Variants in POU6F2 observed in about 807,000 individuals in gnomAD.
The protein encoded by POU6F2 is POU domain, class 6, transcription factor 2.
Under a neutral mutation model 71.3 loss-of-function variants are expected in POU6F2, and 31 were observed. The ratio of observed to expected loss-of-function variants is 0.43; its 90% confidence interval spans 0.33 to 0.59. The LOEUF (loss-of-function observed/expected upper bound fraction) is 0.59, where lower values mean the gene tolerates loss of function less well. POU6F2 is among the 20% of genes least tolerant of loss of function. The probability of loss-of-function intolerance (pLI) is 0.04; values close to 1 mark genes in which losing one functional copy is unlikely to be tolerated. For synonymous variants in POU6F2, 347 were observed against 355.7 expected (o/e 0.98, Z 0.27); for missense variants, 783 against 856.8 (o/e 0.91, Z 1.07).
At chr7:39,385,772 G>A (rs1028208875) in intron 5 of POU6F2, among the ~76,000 whole-genome samples, 2 of 152,128 alleles carry the variant, frequency 1.3e-5, no homozygotes, top group African/African-American at 4.8e-5. Flanking sequence ...GCCCCTCTCA[G>A]AGGGTCTCAG....
At chr7:39,257,259 T>C (rs2128753740) in intron 4 of POU6F2, among the ~76,000 whole-genome samples, 1 of 152,316 alleles carries the variant, frequency 6.6e-6, no homozygotes, top group South Asian at 2.1e-4. Flanking sequence ...TTCCTAATAC[T>C]TTGGGGAAAT....
Position 39,445,915 on chromosome 7 carries a change from CT to C in POU6F2, c.1321-5617del, listed in dbSNP as rs527725357. ...AGCTCCTTCCAAAATCTGTGTGGTC[CT>C]CCAACCCACAGTAGCAGCATCACCT... is the stretch of plus-strand genomic sequence containing the variant. On this transcript the variant is annotated intron_variant, in intron 7 of 9. Transcript: ENST00000518318. 3.9e-5 allele frequency among the ~76,000 whole-genome samples: 6 copies of C among 152,232 alleles called. No individual in the cohort carries two copies. The South Asian group carries it at 1.0e-3, about 26-fold the overall frequency.
intron 2 of POU6F2, among the ~76,000 whole-genome samples, chr7:39,115,432 T>A (rs6952466): frequency 0.24 from 37,114 of 152,022 alleles, 5,233 homozygotes; most frequent in East Asian, 0.55. Context: ...CCAAACAAGG[T>A]TGACTTCTCT....
chr7:39,057,020 A>T (rs901770338), intron 1 of POU6F2, among the ~76,000 whole-genome samples: 4 of 152,112 alleles, frequency 2.6e-5, no homozygotes, highest in African/African-American at 7.2e-5. Context: ...AAAAATAATG[A>T]TTGTTGGTTT....
chr7:39,459,569 C>G (rs1788895591), intron 8 of POU6F2, among the ~76,000 whole-genome samples: 1 of 152,074 alleles, frequency 6.6e-6, no homozygotes, highest in African/African-American at 2.4e-5. Flanking sequence ...TGGACAAGTA[C>G]TCAAATTTAC....
At chr7:39,150,225 C>CTGTG (rs60761447) in intron 2 of POU6F2, among the ~76,000 whole-genome samples, 42,344 of 140,958 alleles carry the variant, frequency 0.3, 6,437 homozygotes, top group South Asian at 0.44. Context: ...AGTAATATGT[C>CTGTG]TGTGTGTGTG....
Position 39,465,484 on chromosome 7 carries a change from C to G in POU6F2, c.*798C>G, listed in dbSNP as rs928676406. ...ACGGGAGGGCATCCTGGATCGTGTGCCAAAGCATTTGTTGCTTTTTTCTCA... is the reference window on the plus strand; with the variant it reads ...ACGGGAGGGCATCCTGGATCGTGTGGCAAAGCATTTGTTGCTTTTTTCTCA... On this transcript the variant is annotated 3_prime_UTR_variant, in exon 10 of 10. Transcript: ENST00000518318. 1.3e-5 allele frequency: 2 copies of G among 152,104 alleles called. No individual in the cohort carries two copies. Among genetic ancestry groups the G allele is most frequent in the Admixed American group, 6.5e-5 (1 of 15,278 alleles). The allele number at this position is 152,104 out of a possible 1,614,324, so 9.4% of individuals were successfully genotyped here.
At position 39,110,227 on chromosome 7, in the gene POU6F2, C is replaced by T. The variant is rs191165421; in HGVS notation, c.277+24196C>T. Among the ~76,000 whole-genome samples, 290 of 138,116 alleles carry T rather than the reference C, an allele frequency of 2.1e-3. 1 individual carries two copies. The highest frequency in any genetic ancestry group is 7.8e-3 in the African/African-American group (282 of 36,240). The allele number at this position is 138,116 out of a possible 152,430, so 90.6% of individuals were successfully genotyped here. A position where few individuals can be genotyped will look rare whatever the true frequency, so the allele number is the denominator to read the frequency against. ...TGGAGGTTGCAGTGAGCTGAGATCG[C>T]ATCACTGCACTCCAGGCTGGGACAG... On this transcript the variant is annotated intron_variant, in intron 2 of 9. Coordinates refer to ENST00000518318, the MANE Select transcript of POU6F2 (RefSeq NM_001370959.1).
intron 1 of POU6F2, among the ~76,000 whole-genome samples, 165 bp downstream of exon 1, chr7:38,978,223 A>G (rs532962004): frequency 1.3e-5 from 2 of 152,364 alleles, no homozygotes; most frequent in East Asian, 3.9e-4. Flanking sequence ...AAATCTGACC[A>G]GGGAAACCTC....
chr7:39,454,076 A>C (rs2116130242), intron 8 of POU6F2, among the ~76,000 whole-genome samples: 1 of 152,270 alleles, frequency 6.6e-6, no homozygotes, highest in African/African-American at 2.4e-5. Flanking sequence ...CTGGTTCCAT[A>C]ATTTGCTATG....
chr7:39,413,360 A>C (rs947343413), intron 6 of POU6F2, among the ~76,000 whole-genome samples: 3 of 152,208 alleles, frequency 2.0e-5, no homozygotes, highest in South Asian at 2.1e-4. Context: ...TAATATGTAC[A>C]GAATAATACC....
At chr7:39,054,582 A>G (rs1174217298) in intron 1 of POU6F2, among the ~76,000 whole-genome samples, 3 of 152,146 alleles carry the variant, frequency 2.0e-5, no homozygotes, top group African/African-American at 7.2e-5. Flanking sequence ...CCCTCTAAGC[A>G]TGAATACAGA....
At chr7:39,082,458 C>T (rs1422442321) in intron 1 of POU6F2, among the ~76,000 whole-genome samples, 1 of 152,208 alleles carries the variant, frequency 6.6e-6, no homozygotes, top group Non-Finnish European at 1.5e-5. Context: ...CCTGCACTAG[C>T]TACTTCTGTT....
intron 4 of POU6F2, among the ~76,000 whole-genome samples, chr7:39,269,610 G>A (rs186777633): frequency 1.2e-4 from 18 of 152,296 alleles, no homozygotes; most frequent in Admixed American, 6.5e-4. Flanking sequence ...ATAGATTCAG[G>A]TCATAGAATC....
At chr7:39,337,791 A>C (rs945000194) in intron 4 of POU6F2, among the ~76,000 whole-genome samples, 1 of 152,118 alleles carries the variant, frequency 6.6e-6, no homozygotes, top group Non-Finnish European at 1.5e-5. Context: ...TGCAGATGTC[A>C]AATTAGTCTA....
At position 39,163,815 on chromosome 7, in the gene POU6F2, C is replaced by T. The variant is rs544505787; in HGVS notation, c.278-40420C>T. 4.7e-4 allele frequency among the ~76,000 whole-genome samples: 72 copies of T among 152,170 alleles called. 1 individual carries two copies. The highest frequency in any genetic ancestry group is 2.1e-3 in the Admixed American group (32 of 15,282). On this transcript the variant is annotated intron_variant, in intron 2 of 9. Coordinates refer to ENST00000518318, the MANE Select transcript of POU6F2 (RefSeq NM_001370959.1). ...AAGAAAATGTGGTACAGATACACAACGGAATACTATTCAGCCTTAAAAAAG... is the reference window on the plus strand; with the variant it reads ...AAGAAAATGTGGTACAGATACACAATGGAATACTATTCAGCCTTAAAAAAG...
intron 8 of POU6F2, among the ~76,000 whole-genome samples, chr7:39,454,716 A>T (rs1478101106): frequency 2.5e-5 from 2 of 80,664 alleles, no homozygotes; most frequent in African/African-American, 1.1e-4. Context: ...ATATATATAT[A>T]TATATATATA....
Position 39,464,230 on chromosome 7 carries a change from GAAC to G in POU6F2, c.1709_1711del (p.Asn570del). The G allele has an allele frequency of 6.2e-7, 1 of 1,614,012 alleles. No homozygotes were observed. The highest frequency in any genetic ancestry group is 8.5e-7 in the Non-Finnish European group (1 of 1,179,902). On this transcript the variant is annotated inframe_deletion, in exon 10 of 10. Coordinates refer to ENST00000518318, the MANE Select transcript of POU6F2 (RefSeq NM_001370959.1). The surrounding 1 kb of genome is among the most constrained non-coding windows in gnomAD (Gnocchi z 4.1). ...TTTTCCTACCACAGGAAGCCCAAGA[GAAC>G]ACTATAGCTAGCAGTCTGACAGCCA...
At chr7:39,328,826 A>G (rs1017223291) in intron 4 of POU6F2, among the ~76,000 whole-genome samples, 4 of 152,216 alleles carry the variant, frequency 2.6e-5, no homozygotes, top group African/African-American at 9.6e-5. Flanking sequence ...TATGCCTGCC[A>G]GCTGGACCAG....
Sources: gnomAD v4.1 joint callset for allele counts (sites outside exome capture counted in the v4.1 genomes callset) on GRCh38, gnomAD v4.1.1 for gene constraint, Gnocchi (gnomAD v3.1) non-coding constraint, MANE v1.5 for transcripts, NCBI Gene and HGNC (gene_info 2026-07-23, HGNC 2026-07-21) for gene names.